PIP5K1B: variants seen among roughly 807,000 people sequenced by gnomAD.
PIP5K1B encodes the protein phosphatidylinositol 4-phosphate 5-kinase type-1 beta.
PIP5K1B carries 42 observed loss-of-function variants against 67.0 expected under a neutral mutation model. The ratio of observed to expected loss-of-function variants is 0.63; its 90% confidence interval spans 0.49 to 0.81. The LOEUF (loss-of-function observed/expected upper bound fraction) is 0.81, where lower values mean the gene tolerates loss of function less well. Among genes scored for constraint, PIP5K1B ranks in the 30% least tolerant of loss-of-function variants. PIP5K1B has a pLI of 0.00. For missense variants in PIP5K1B, 459 were observed against 646.3 expected (o/e 0.71, Z 3.14); for synonymous variants, 214 against 231.4 (o/e 0.92, Z 0.68).
rs111312309 is a variant in PIP5K1B at position 68,806,623 on chromosome 9, C to T, written c.-85-11838C>T. On this transcript the variant is annotated intron_variant, in intron 2 of 15. Transcript: ENST00000265382. ...TCATCCTCTTCCCTTGAATTCCCATCGTATCAGCACAGGATAATTTTCTCT... is the reference window on the plus strand; with the variant it reads ...TCATCCTCTTCCCTTGAATTCCCATTGTATCAGCACAGGATAATTTTCTCT... 7.2e-5 allele frequency among the ~76,000 whole-genome samples: 11 copies of T among 152,322 alleles called. 1 individual carries two copies. The East Asian group carries it at 9.6e-4, about 13-fold the overall frequency.
intron 2 of PIP5K1B, among the ~76,000 whole-genome samples, chr9:68,756,707 G>T: frequency 6.6e-6 from 1 of 151,740 alleles, no homozygotes; most frequent in Non-Finnish European, 1.5e-5. Context: ...CCATTTTCTG[G>T]AATTTCAGCT....
intron 2 of PIP5K1B, among the ~76,000 whole-genome samples, chr9:68,805,069 G>C (rs967937197): frequency 3.3e-5 from 5 of 152,218 alleles, no homozygotes; most frequent in Admixed American, 1.3e-4. Context: ...AAGTCCTCAG[G>C]GGGAGGCATT....
At chr9:68,706,462 TC>T (rs372611899) in intron 1 of PIP5K1B, among the ~76,000 whole-genome samples, 80 of 151,992 alleles carry the variant, frequency 5.3e-4, no homozygotes, top group African/African-American at 1.8e-3. Flanking sequence ...TCATTTCTTA[TC>T]CCCCCCAACC....
At chr9:68,957,820 G>C (rs1828480381) in intron 14 of PIP5K1B, among the ~76,000 whole-genome samples, 1 of 152,080 alleles carries the variant, frequency 6.6e-6, no homozygotes, top group African/African-American at 2.4e-5. Flanking sequence ...CAGGGAAGAA[G>C]GGTGAGAGAA....
At chr9:69,005,852 C>T (rs550055164) in intron 15 of PIP5K1B, among the ~76,000 whole-genome samples, 2 of 152,026 alleles carry the variant, frequency 1.3e-5, no homozygotes, top group South Asian at 2.1e-4. Context: ...ACAGCAACTG[C>T]TCCTTCTTTA....
At chr9:68,831,148 G>C (rs1834294093) in intron 4 of PIP5K1B, among the ~76,000 whole-genome samples, 1 of 152,156 alleles carries the variant, frequency 6.6e-6, no homozygotes, top group African/African-American at 2.4e-5. Context: ...TGCTTATTCA[G>C]AGTTTTTGCT....
chr9:68,797,742 C>T (rs1024439705), intron 2 of PIP5K1B, among the ~76,000 whole-genome samples: 1 of 152,184 alleles, frequency 6.6e-6, no homozygotes, highest in Admixed American at 6.5e-5. Flanking sequence ...ATATATAGTT[C>T]AAATTATCTG....
In PIP5K1B at chr9:68,981,780, C is replaced by CT. The variant is rs1164988945; in HGVS notation, c.1503-9359dup. ...CTCCAATGAAGCCAAACTAATGTTG[C>CT]TGATAACCAAAAGAATCTTTTTTTT... On this transcript the variant is annotated intron_variant, in intron 14 of 15. Coordinates refer to ENST00000265382, the MANE Select transcript of PIP5K1B (RefSeq NM_003558.4). Among the ~76,000 whole-genome samples the CT allele has an allele frequency of 3.3e-5, 5 of 151,606 alleles. No homozygotes were observed. In the East Asian group the frequency reaches 9.7e-4, roughly 30 times the overall value.
At position 68,815,656 on chromosome 9, in the gene PIP5K1B, G is replaced by A. The variant is rs191544552; in HGVS notation, c.-85-2805G>A. ...AGAGGAGTTATAAACAGAAAAAAACGTGAGTGCGTATAAAGAAAGCCTTCC... is the reference window on the plus strand; with the variant it reads ...AGAGGAGTTATAAACAGAAAAAAACATGAGTGCGTATAAAGAAAGCCTTCC... On this transcript the variant is annotated intron_variant, in intron 2 of 15. Transcript: ENST00000265382. Among the ~76,000 whole-genome samples, 13 of 151,926 alleles carry A rather than the reference G, an allele frequency of 8.6e-5. No individual in the cohort carries two copies. The East Asian group carries it at 1.7e-3, about 20-fold the overall frequency.
At chr9:68,802,011 C>T (rs891479667) in intron 2 of PIP5K1B, among the ~76,000 whole-genome samples, 1 of 152,160 alleles carries the variant, frequency 6.6e-6, no homozygotes, top group Non-Finnish European at 1.5e-5. Context: ...ATTGATGGCT[C>T]CTTTTATTTT....
intron 15 of PIP5K1B, among the ~76,000 whole-genome samples, chr9:68,999,913 G>A (rs931899802): frequency 1.3e-5 from 2 of 152,174 alleles, no homozygotes; most frequent in Admixed American, 6.5e-5. Context: ...CCCACTCCAT[G>A]TACTTGATTG....
At chr9:68,981,625 T>A (rs1241764501) in intron 14 of PIP5K1B, among the ~76,000 whole-genome samples, 1 of 152,208 alleles carries the variant, frequency 6.6e-6, no homozygotes, top group Non-Finnish European at 1.5e-5. Context: ...TAGTACCATA[T>A]GTTCCCTCAA....
chr9:68,731,606 G>C (rs1403107123), intron 1 of PIP5K1B, among the ~76,000 whole-genome samples: 2 of 152,196 alleles, frequency 1.3e-5, no homozygotes, highest in South Asian at 2.1e-4. Flanking sequence ...CAGGGAATTT[G>C]CAACAGGTTG....
chr9:68,930,411 T>A (rs971832594), intron 12 of PIP5K1B, among the ~76,000 whole-genome samples: 2 of 151,938 alleles, frequency 1.3e-5, no homozygotes, highest in Non-Finnish European at 2.9e-5. Flanking sequence ...ACCACCACAA[T>A]CCACCCAATT....
chr9:68,946,244 A>G (rs1228660760), intron 14 of PIP5K1B, among the ~76,000 whole-genome samples: 1 of 152,216 alleles, frequency 6.6e-6, no homozygotes, highest in African/African-American at 2.4e-5. Context: ...AGGGAAAGAC[A>G]GCACAACTGT....
At chr9:68,706,200 G>C (rs1827115218) in intron 1 of PIP5K1B, 1 of 152,376 alleles carries the variant, frequency 6.6e-6, no homozygotes, top group Non-Finnish European at 1.5e-5. Context: ...GCTCATTTCT[G>C]GCGCTGGTGC....
chr9:68,856,377 T>C (rs1822780642), intron 4 of PIP5K1B, among the ~76,000 whole-genome samples: 1 of 152,234 alleles, frequency 6.6e-6, no homozygotes, highest in African/African-American at 2.4e-5. Flanking sequence ...GTCACCTTTA[T>C]GTCCCCAGTT....
At chr9:68,952,819 C>T (rs148710566) in intron 14 of PIP5K1B, among the ~76,000 whole-genome samples, 217 of 151,950 alleles carry the variant, frequency 1.4e-3, no homozygotes, top group Non-Finnish European at 2.7e-3. Context: ...GCCTGCCTGC[C>T]TGCCTGCCTT....
intron 4 of PIP5K1B, among the ~76,000 whole-genome samples, chr9:68,827,645 C>G (rs1038672631): frequency 6.6e-6 from 1 of 152,034 alleles, no homozygotes; most frequent in Non-Finnish European, 1.5e-5. Context: ...GTTAGTTGAG[C>G]AACAAAGTTG....
Sources: allele counts gnomAD v4.1 joint callset (sites outside exome capture counted in the v4.1 genomes callset), GRCh38; gene constraint gnomAD v4.1.1; transcripts MANE v1.5; gene names NCBI Gene and HGNC (gene_info 2026-07-23, HGNC 2026-07-21).